Variants in FAM114A2 observed in about 807,000 individuals in gnomAD.
FAM114A2 encodes the protein family with sequence similarity 114 member A2, also known as protein FAM114A2.
Under a neutral mutation model 58.4 loss-of-function variants are expected in FAM114A2, and 53 were observed. That is an observed-to-expected ratio of 0.91 (90% CI 0.73 to 1.14). The LOEUF is 1.14. FAM114A2 is among the 50% of genes most tolerant of loss of function. The pLI, the probability that FAM114A2 is intolerant of heterozygous loss-of-function variation, is 0.00. For synonymous variants in FAM114A2, 228 were observed against 211.4 expected, an observed-to-expected ratio of 1.08 and a Z score of -0.68; for missense variants, 601 against 581.1, an observed-to-expected ratio of 1.03 and a Z score of -0.35.
At chr5:154,010,158 T>C (rs1770594302) in intron 9 of FAM114A2, among the ~76,000 whole-genome samples, 1 of 152,226 alleles carries the variant, frequency 6.6e-6, no homozygotes, top group African/African-American at 2.4e-5. Context: ...TATATATGTA[T>C]ACATGTATTT....
intron 8 of FAM114A2, among the ~76,000 whole-genome samples, chr5:154,024,602 C>T (rs924316269): frequency 6.6e-6 from 1 of 151,990 alleles, no homozygotes; most frequent in Non-Finnish European, 1.5e-5. Context: ...ATTTTAATAG[C>T]CTTTTCAGAT....
Position 154,034,700 on chromosome 5 carries a change from TA to T in FAM114A2, c.210+43del, listed in dbSNP as rs775773900. On this transcript the variant is annotated intron_variant, in intron 2 of 13. Transcript: ENST00000351797. ...TTTTAGCCCCAACATTTTTTAATCC[TA>T]ATATTTTAATAGATACCCTACTTTT... 14 of 1,381,210 alleles carry T rather than the reference TA, an allele frequency of 1.0e-5. No homozygotes were observed. In the East Asian group the frequency reaches 2.7e-4, roughly 27 times the overall value. The allele number at this position is 1,381,210 out of a possible 1,614,324, so 85.6% of individuals were successfully genotyped here. A position where few individuals can be genotyped will look rare whatever the true frequency, so the allele number is the denominator to read the frequency against.
intron 8 of FAM114A2, among the ~76,000 whole-genome samples, chr5:154,014,332 A>G (rs915081554): frequency 2.0e-5 from 3 of 152,198 alleles, no homozygotes; most frequent in Non-Finnish European, 4.4e-5. Flanking sequence ...ACTTGGATGG[A>G]CAGAGCAGCG....
At chr5:154,011,428 G>A in intron 8 of FAM114A2, 108 bp from the exon 9 acceptor site, 1 of 691,386 alleles carries the variant, frequency 1.4e-6, no homozygotes, top group Non-Finnish European at 2.6e-6. Context: ...GACAGTAGTA[G>A]TAATAACAAT....
intron 8 of FAM114A2, among the ~76,000 whole-genome samples, chr5:154,018,527 T>C (rs908179636): frequency 6.6e-6 from 1 of 151,750 alleles, no homozygotes; most frequent in African/African-American, 2.4e-5. Context: ...TTTCACAAGA[T>C]AAAGAGGGAA....
chr5:154,014,792 A>G (rs577616617), intron 8 of FAM114A2, among the ~76,000 whole-genome samples: 1 of 152,116 alleles, frequency 6.6e-6, no homozygotes, highest in South Asian at 2.1e-4. Context: ...ACTGATGGAG[A>G]AGTCTCCTGA....
In FAM114A2 at chr5:154,034,293, TA is replaced by T; in HGVS notation, c.294del (p.Thr99GlnfsTer2). On this transcript the variant is annotated frameshift_variant, in exon 3 of 14. Coordinates refer to ENST00000351797, the MANE Select transcript of FAM114A2 (RefSeq NM_018691.4). LOFTEE classifies it high-confidence loss of function. ...WGKSILSSASATVATVGQGIS... is the reference protein window; with the variant it reads ...WGKSILSSASXTVATVGQGIS... ...ATGATCTTACCTACTGTAGCTACTG[TA>T]GCCGAGGCTGAGGAGAGTATGGACT... 2 of 1,582,204 alleles carry T rather than the reference TA, an allele frequency of 1.3e-6. No individual in the cohort carries two copies. Among genetic ancestry groups the T allele is most frequent in the Non-Finnish European group, 1.7e-6 (2 of 1,162,836 alleles).
chr5:154,029,385 A>G, intron 5 of FAM114A2, 104 bp downstream of exon 5: 1 of 699,754 alleles, frequency 1.4e-6, no homozygotes, highest in East Asian at 2.9e-5. Context: ...GACTCCTTTA[A>G]AAGTAATCAG....
intron 12 of FAM114A2, 80 bp downstream of exon 12, chr5:153,997,723 A>G (rs1218406816): frequency 6.7e-6 from 6 of 891,514 alleles, no homozygotes; most frequent in South Asian, 5.7e-5. Flanking sequence ...TTGTACACTT[A>G]AAGTGAGCAA....
chr5:153,992,770 T>C lies in FAM114A2; in HGVS notation c.*206A>G. ...CAAAAGTTTCTTTTCAAATAATTTA[T>C]GAATTACAACAACTGGAAAGAATAC... is the stretch of plus-strand genomic sequence containing the variant. On this transcript the variant is annotated 3_prime_UTR_variant, in exon 14 of 14. Coordinates refer to ENST00000351797, the MANE Select transcript of FAM114A2 (RefSeq NM_018691.4). The C allele has an allele frequency of 2.6e-6, 1 of 382,524 alleles. No individual in the cohort carries two copies. The highest frequency in any genetic ancestry group is 6.9e-4 in the Middle Eastern group (1 of 1,446). 23.7% of individuals were successfully genotyped at this position (382,524 alleles called of 1,614,324 possible). A position where few individuals can be genotyped will look rare whatever the true frequency, so the allele number is the denominator to read the frequency against.
chr5:153,995,841 T>A (rs1458441753), intron 12 of FAM114A2, among the ~76,000 whole-genome samples: 1 of 152,046 alleles, frequency 6.6e-6, no homozygotes, highest in Non-Finnish European at 1.5e-5. Context: ...TAACTACTTC[T>A]CTCCCACCGG....
intron 11 of FAM114A2, among the ~76,000 whole-genome samples, chr5:154,000,191 G>T (rs1293837238): frequency 6.6e-6 from 1 of 152,128 alleles, no homozygotes; most frequent in Non-Finnish European, 1.5e-5. Context: ...TACCAGAAAT[G>T]GGGAAAGGTG....
intron 8 of FAM114A2, 114 bp downstream of exon 8, chr5:154,026,285 C>A: frequency 1.2e-6 from 1 of 848,494 alleles, no homozygotes; most frequent in Non-Finnish European, 1.6e-6. Context: ...AAATTTTCAC[C>A]AAAAAAGTAA....
intron 8 of FAM114A2, among the ~76,000 whole-genome samples, chr5:154,025,339 A>G (rs1275954750): frequency 6.6e-6 from 1 of 152,122 alleles, no homozygotes; most frequent in Non-Finnish European, 1.5e-5. Flanking sequence ...CAATGACACT[A>G]GTAGAGTCTG....
intron 4 of FAM114A2, among the ~76,000 whole-genome samples, chr5:154,030,468 A>G (rs950315083): frequency 1.3e-5 from 2 of 152,246 alleles, no homozygotes; most frequent in Non-Finnish European, 2.9e-5. Context: ...CTGTCTTCAG[A>G]CATAGGACAA....
In FAM114A2 at chr5:153,995,182, T is replaced by C. The variant is rs1220818515; in HGVS notation, c.1330-210A>G. On this transcript the variant is annotated intron_variant, in intron 12 of 13. Coordinates refer to ENST00000351797, the MANE Select transcript of FAM114A2 (RefSeq NM_018691.4). ...TAATATCTTTCTGTGCTATCCATAT[T>C]GACAGTGTATTGTTTTATACCTTTT... The C allele has an allele frequency of 6.0e-6, 3 of 499,866 alleles. No individual in the cohort carries two copies. The East Asian group carries it at 9.0e-5, about 15-fold the overall frequency. The allele number at this position is 499,866 out of a possible 1,614,324, so 31.0% of individuals were successfully genotyped here.
At chr5:154,036,791 T>A (rs1334600707) in intron 1 of FAM114A2, 4 of 152,236 alleles carry the variant, frequency 2.6e-5, no homozygotes, top group Non-Finnish European at 5.9e-5. Context: ...CAGATGTTTT[T>A]ATTTGGCCTG....
chr5:153,995,584 CA>C (rs1165462946), intron 12 of FAM114A2, among the ~76,000 whole-genome samples: 1 of 152,044 alleles, frequency 6.6e-6, no homozygotes, highest in Non-Finnish European at 1.5e-5. Context: ...TTAATTAAAA[CA>C]AATGTAATGT....
chr5:153,993,927 C>T (rs143963946), intron 13 of FAM114A2, among the ~76,000 whole-genome samples: 16 of 152,148 alleles, frequency 1.1e-4, no homozygotes, highest in African/African-American at 2.7e-4. Context: ...CCTCAGATAT[C>T]GTCTAGTTAA....
Sources: gnomAD v4.1 joint callset for allele counts (sites outside exome capture counted in the v4.1 genomes callset) on GRCh38, gnomAD v4.1.1 for gene constraint, MANE v1.5 for transcripts, NCBI Gene and HGNC (gene_info 2026-07-23, HGNC 2026-07-21) for gene names.